The following SPHKAP variants were observed in gnomAD, a reference collection of about 807,000 sequenced individuals.
The protein encoded by SPHKAP is SPHK1 interactor, AKAP domain containing.
In SPHKAP, 67 loss-of-function variants were observed where a neutral mutation model predicts 137.5. That is an observed-to-expected ratio of 0.49 (90% CI 0.40 to 0.60). SPHKAP has a LOEUF of 0.60. Ranked by LOEUF, SPHKAP falls within the 20% of genes least tolerant of loss-of-function variation. The pLI is 0.00. For missense variants in SPHKAP, 2,097 were observed against 2,069.3 expected, an observed-to-expected ratio of 1.01 and a Z score of -0.26; for synonymous variants, 813 against 785.3, an observed-to-expected ratio of 1.04 and a Z score of -0.59.
chr2:228,148,794 A>G (rs1046385014), intron 1 of SPHKAP, among the ~76,000 whole-genome samples: 3 of 152,174 alleles, frequency 2.0e-5, no homozygotes, highest in Non-Finnish European at 2.9e-5. Flanking sequence ...TTGGAGAGGA[A>G]GCAAGAGAGG....
Position 228,016,461 on chromosome 2 carries a change from T to C in SPHKAP, c.4393A>G (p.Ile1465Val), listed in dbSNP as rs533441459. Residue 1465 changes from isoleucine to valine, a missense_variant, in exon 7 of 12, where the codon ATC becomes GTC. Ile to Val is a conservative substitution (Grantham distance 29). Transcript: ENST00000392056. ...TCTCCACCTCTCACCACATCTGGGA[T>C]GTTTTTGTCATTCGAATGCCCTTCT... The part of the protein sequence containing the change: ...EAEGHSNDKN[I>V]PDVVRGGDTA... 5 of 1,612,168 alleles carry C rather than the reference T, an allele frequency of 3.1e-6. No individual in the cohort carries two copies. Among genetic ancestry groups the C allele is most frequent in the East Asian group, 4.5e-5 (2 of 44,858 alleles).
chr2:228,105,217 C>A (rs1195780558), intron 3 of SPHKAP, among the ~76,000 whole-genome samples: 1 of 152,324 alleles, frequency 6.6e-6, no homozygotes, highest in East Asian at 1.9e-4. Flanking sequence ...ATTCTCCTGC[C>A]TCAGCCTCCC....
At position 228,110,784 on chromosome 2, in the gene SPHKAP, T is replaced by C. The variant is rs538129584; in HGVS notation, c.139-1845A>G. Among the ~76,000 whole-genome samples the C allele has an allele frequency of 2.6e-5, 4 of 152,338 alleles. 1 individual carries two copies. Among genetic ancestry groups the C allele is most frequent in the African/African-American group, 9.6e-5 (4 of 41,590 alleles). ...GACATTAAGGAGATTTGCAAACATG[T>C]GAATTGAAATCACTCTTCTCGCTAA... On this transcript the variant is annotated intron_variant, in intron 2 of 11. Coordinates refer to ENST00000392056, the MANE Select transcript of SPHKAP (RefSeq NM_001142644.2).
At chr2:228,140,852 CT>C (rs1357789129) in intron 1 of SPHKAP, among the ~76,000 whole-genome samples, 2 of 152,104 alleles carry the variant, frequency 1.3e-5, no homozygotes, top group African/African-American at 2.4e-5. Flanking sequence ...CCCACTCCCC[CT>C]TTGTCTCCCA....
chr2:228,108,224 C>T (rs1383483396), intron 3 of SPHKAP, among the ~76,000 whole-genome samples: 3 of 152,154 alleles, frequency 2.0e-5, no homozygotes, highest in African/African-American at 7.2e-5. Flanking sequence ...ATAGTTTTCT[C>T]TAACATATAG....
At chr2:228,173,127 C>T (rs1700635534) in intron 1 of SPHKAP, 2 of 911,886 alleles carry the variant, frequency 2.2e-6, no homozygotes, top group Admixed American at 6.2e-5. Context: ...CTGAATGACT[C>T]ACGTATGGCA....
chr2:227,985,509 T>C (rs1460868142), intron 11 of SPHKAP, among the ~76,000 whole-genome samples: 1 of 152,196 alleles, frequency 6.6e-6, no homozygotes, highest in Non-Finnish European at 1.5e-5. Flanking sequence ...CTGGGTATTT[T>C]CACAATCAGC....
chr2:228,063,080 A>T (rs532545429), intron 3 of SPHKAP, among the ~76,000 whole-genome samples: 145 of 152,204 alleles, frequency 9.5e-4, no homozygotes, highest in African/African-American at 3.3e-3. Context: ...TAGTGCTAAG[A>T]TTTTACTATT....
chr2:227,987,797 T>C (rs770478174), intron 11 of SPHKAP, among the ~76,000 whole-genome samples: 1 of 152,130 alleles, frequency 6.6e-6, no homozygotes, highest in Non-Finnish European at 1.5e-5. Flanking sequence ...CATACCTCCC[T>C]TTTCACAAGG....
intron 1 of SPHKAP, among the ~76,000 whole-genome samples, chr2:228,150,916 G>GTTTA (rs1016444632): frequency 2.6e-5 from 4 of 151,564 alleles, no homozygotes; most frequent in Admixed American, 2.0e-4. Flanking sequence ...TGCATAGATA[G>GTTTA]TTTATTTATT....
At chr2:228,117,956 GA>G (rs1314188253) in intron 2 of SPHKAP, among the ~76,000 whole-genome samples, 1 of 150,998 alleles carries the variant, frequency 6.6e-6, no homozygotes, top group Non-Finnish European at 1.5e-5. Context: ...GACATACTAA[GA>G]GATAAAAAGA....
intron 3 of SPHKAP, among the ~76,000 whole-genome samples, chr2:228,034,705 G>A (rs1695511363): frequency 1.3e-5 from 2 of 152,288 alleles, no homozygotes; most frequent in African/African-American, 4.8e-5. Context: ...CTTCATCCCT[G>A]GGATGCAAGG....
At chr2:228,006,953 C>G (rs2396521) in intron 7 of SPHKAP, among the ~76,000 whole-genome samples, 80,607 of 152,086 alleles carry the variant, frequency 0.53, 21,722 homozygotes, top group South Asian at 0.67. Context: ...TCCCCTACTG[C>G]GGGATGCCTC....
In SPHKAP at chr2:228,096,741, G is replaced by A. The variant is rs114804491; in HGVS notation, c.246+12091C>T. Among the ~76,000 whole-genome samples, 1,079 of 152,080 alleles carry A rather than the reference G, an allele frequency of 7.1e-3. 8 individuals carry two copies. Among genetic ancestry groups the A allele is most frequent in the African/African-American group, 0.025 (1,026 of 41,496 alleles). ...CCGTCTGGAATATGAAATGAAAGCA[G>A]TCTCTGGTCTATAAAGAAGTGTAAT... is the stretch of plus-strand genomic sequence containing the variant. On this transcript the variant is annotated intron_variant, in intron 3 of 11. Transcript: ENST00000392056.
intron 3 of SPHKAP, among the ~76,000 whole-genome samples, chr2:228,080,428 C>T (rs2106313881): frequency 6.6e-6 from 1 of 152,218 alleles, no homozygotes; most frequent in Non-Finnish European, 1.5e-5. Flanking sequence ...CAATGATGTC[C>T]AGGTGTGGTG....
chr2:228,102,138 T>TCCA (rs1698197656), intron 3 of SPHKAP, among the ~76,000 whole-genome samples: 1 of 152,254 alleles, frequency 6.6e-6, no homozygotes, highest in Admixed American at 6.5e-5. Flanking sequence ...TCTTTTCATA[T>TCCA]GGCTTTTGCA....
chr2:228,048,539 C>G (rs1696147148), intron 3 of SPHKAP, among the ~76,000 whole-genome samples: 1 of 152,142 alleles, frequency 6.6e-6, no homozygotes, highest in African/African-American at 2.4e-5. Context: ...CTATCAATGA[C>G]AGAACGCATA....
At chr2:228,032,330 GA>G (rs1695365172) in intron 3 of SPHKAP, among the ~76,000 whole-genome samples, 1 of 151,968 alleles carries the variant, frequency 6.6e-6, no homozygotes, top group African/African-American at 2.4e-5. Flanking sequence ...GAAGATTAGA[GA>G]AAAAAGAATT....
chr2:228,153,064 G>A (rs1331574815), intron 1 of SPHKAP, among the ~76,000 whole-genome samples: 1 of 152,072 alleles, frequency 6.6e-6, no homozygotes, highest in East Asian at 1.9e-4. Flanking sequence ...CTGCTGCCAT[G>A]TAAGATGTGC....
Sources: gnomAD v4.1 joint callset for allele counts (sites outside exome capture counted in the v4.1 genomes callset) on GRCh38, gnomAD v4.1.1 for gene constraint, MANE v1.5 for transcripts, NCBI Gene and HGNC (gene_info 2026-07-23, HGNC 2026-07-21) for gene names.